Variants in NFIB observed in about 807,000 individuals in gnomAD.
NFIB encodes nuclear factor 1 B-type.
A neutral mutation model predicts 61.5 loss-of-function variants in NFIB; 11 were observed. The observed-to-expected ratio is 0.18, with a 90% CI of 0.11 to 0.30. NFIB has a LOEUF of 0.30. Among genes scored for constraint, NFIB ranks in the 10% least tolerant of loss-of-function variants. The probability of loss-of-function intolerance (pLI) is 1.00; values close to 1 mark genes in which losing one functional copy is unlikely to be tolerated. For synonymous variants in NFIB, 260 were observed against 216.5 expected, an observed-to-expected ratio of 1.20 and a Z score of -1.76; for missense variants, 471 against 608.9, an observed-to-expected ratio of 0.77 and a Z score of 2.38.
chr9:14,136,143 T>C (rs895632959), intron 6 of NFIB, among the ~76,000 whole-genome samples: 1 of 152,206 alleles, frequency 6.6e-6, no homozygotes, highest in African/African-American at 2.4e-5. Flanking sequence ...AGAACAGTGC[T>C]AAAACAGTGA....
At chr9:14,194,987 A>G (rs2048323446) in intron 2 of NFIB, among the ~76,000 whole-genome samples, 1 of 152,102 alleles carries the variant, frequency 6.6e-6, no homozygotes, top group Non-Finnish European at 1.5e-5. Context: ...AAAGAGAAAG[A>G]GATCCCGTAA....
At chr9:14,298,474 A>G (rs1731368148) in intron 2 of NFIB, among the ~76,000 whole-genome samples, 1 of 152,188 alleles carries the variant, frequency 6.6e-6, no homozygotes, top group Admixed American at 6.5e-5. Context: ...AAAACAGAGA[A>G]ACTGAAAATC....
At chr9:14,469,176 T>C in the NFIB span, among the ~76,000 whole-genome samples, 1 of 152,164 alleles carries the variant, frequency 6.6e-6, no homozygotes, top group Non-Finnish European at 1.5e-5. Flanking sequence ...ACATTGGGAT[T>C]GGGGGACCGA....
intron 3 of NFIB, among the ~76,000 whole-genome samples, chr9:14,164,654 C>T (rs528963174): frequency 3.9e-4 from 59 of 152,230 alleles, no homozygotes; most frequent in African/African-American, 1.2e-3. Context: ...AACTTATTGA[C>T]TACAACTTTG....
At chr9:14,432,485 T>A in the NFIB span, among the ~76,000 whole-genome samples, 1 of 152,264 alleles carries the variant, frequency 6.6e-6, no homozygotes, top group Admixed American at 6.5e-5. Context: ...ATCTCCTTCT[T>A]CAAATGAGAA....
chr9:14,401,032 A>G (rs142522060), upstream of NFIB, among the ~76,000 whole-genome samples: 1 of 152,340 alleles, frequency 6.6e-6, no homozygotes, highest in African/African-American at 2.4e-5. Context: ...CCAAGAAGGG[A>G]CAGAATATTA....
At chr9:14,472,258 C>T in the NFIB span, among the ~76,000 whole-genome samples, 79 of 152,296 alleles carry the variant, frequency 5.2e-4, 1 homozygote, top group African/African-American at 1.9e-3. Flanking sequence ...GAAATACTCC[C>T]AGACTAGGTC....
chr9:14,216,542 CCCTCTG>C (rs1301778625), intron 2 of NFIB, among the ~76,000 whole-genome samples: 1 of 29,460 alleles, frequency 3.4e-5, no homozygotes. Flanking sequence ...CTCTCTCTCT[CCCTCTG>C]TGTGTGTGTG....
the NFIB span, among the ~76,000 whole-genome samples, chr9:14,459,774 T>C: frequency 6.6e-6 from 1 of 151,452 alleles, no homozygotes; most frequent in African/African-American, 2.4e-5. Context: ...AAAATGCTCA[T>C]CATCACTGGC....
intron 2 of NFIB, among the ~76,000 whole-genome samples, chr9:14,183,384 G>A (rs896437983): frequency 5.9e-5 from 9 of 151,946 alleles, no homozygotes; most frequent in Non-Finnish European, 8.8e-5. Flanking sequence ...AGCATACTGG[G>A]TCTGGTGTCT....
At chr9:14,485,748 G>A in the NFIB span, among the ~76,000 whole-genome samples, 2 of 152,028 alleles carry the variant, frequency 1.3e-5, no homozygotes, top group South Asian at 2.1e-4. Context: ...TGTGGTGGGC[G>A]CCTGTAGTCC....
intron 2 of NFIB, among the ~76,000 whole-genome samples, chr9:14,228,906 T>C (rs1367710487): frequency 1.3e-5 from 2 of 152,208 alleles, no homozygotes; most frequent in Admixed American, 6.5e-5. Context: ...CTTATCTTTT[T>C]GGAATCTTAG....
chr9:14,285,891 A>G (rs559864165), intron 2 of NFIB, among the ~76,000 whole-genome samples: 8 of 151,420 alleles, frequency 5.3e-5, no homozygotes, highest in Admixed American at 2.6e-4. Context: ...ATTTTACACA[A>G]GAAGAAATGG....
chr9:14,395,451 C>A (rs2061673446), intron 1 of NFIB, among the ~76,000 whole-genome samples: 2 of 152,006 alleles, frequency 1.3e-5, no homozygotes, highest in Admixed American at 1.3e-4. Flanking sequence ...TGAGAGCTGG[C>A]AGGGGCTTTG....
chr9:14,311,101 T>C (rs1486609223), intron 1 of NFIB, among the ~76,000 whole-genome samples: 1 of 152,164 alleles, frequency 6.6e-6, no homozygotes, highest in African/African-American at 2.4e-5. Context: ...TTTTCCTTTA[T>C]ATCTGATTTA....
chr9:14,367,907 A>T (rs939314954), intron 1 of NFIB, among the ~76,000 whole-genome samples: 5 of 152,148 alleles, frequency 3.3e-5, no homozygotes, highest in African/African-American at 1.2e-4. Context: ...GAGGGATAGC[A>T]TTAGGAGAAA....
upstream of NFIB, among the ~76,000 whole-genome samples, chr9:14,401,206 A>G (rs776244750): frequency 2.0e-5 from 3 of 152,222 alleles, no homozygotes; most frequent in Non-Finnish European, 4.4e-5. Flanking sequence ...CAACCTCAAT[A>G]GCTTTCAGCA....
At chr9:14,119,048 C>A (rs2038574089) in intron 8 of NFIB, among the ~76,000 whole-genome samples, 1 of 151,970 alleles carries the variant, frequency 6.6e-6, no homozygotes, top group South Asian at 2.1e-4. Flanking sequence ...AGATTTTCCA[C>A]ACTGAATTAA....
chr9:14,359,274 G>A (rs56037643), intron 1 of NFIB, among the ~76,000 whole-genome samples: 12,510 of 152,276 alleles, frequency 0.082, 734 homozygotes, highest in African/African-American at 0.17. Context: ...GTGTGACTAG[G>A]TTAAGGATCT....
Sources: allele counts gnomAD v4.1 joint callset (sites outside exome capture counted in the v4.1 genomes callset), GRCh38; gene constraint gnomAD v4.1.1; transcripts MANE v1.5; gene names NCBI Gene and HGNC (gene_info 2026-07-23, HGNC 2026-07-21).